The following PPP1R9A variants were observed in gnomAD, a reference collection of about 807,000 sequenced individuals.
PPP1R9A encodes the protein protein phosphatase 1 regulatory subunit 9A, also known as neurabin-1.
Under a neutral mutation model 141.9 loss-of-function variants are expected in PPP1R9A, and 59 were observed. The ratio of observed to expected loss-of-function variants is 0.42; its 90% CI spans 0.34 to 0.52. PPP1R9A has a LOEUF of 0.52. PPP1R9A is among the 20% of genes least tolerant of loss of function. The pLI is 0.10. For missense variants in PPP1R9A, 1,444 were observed against 1,611.9 expected (o/e 0.90, Z 1.78); for synonymous variants, 500 against 569.7 (o/e 0.88, Z 1.74).
intron 2 of PPP1R9A, among the ~76,000 whole-genome samples, chr7:95,052,073 C>T (rs917252438): frequency 4.6e-5 from 7 of 152,008 alleles, no homozygotes; most frequent in African/African-American, 1.7e-4. Context: ...CTCCTGACCT[C>T]AAGTGATTCA....
intron 19 of PPP1R9A, among the ~76,000 whole-genome samples, chr7:95,289,795 A>C (rs888831558): frequency 2.9e-5 from 4 of 136,590 alleles, no homozygotes; most frequent in African/African-American, 1.4e-4. Context: ...TACAGCCCAA[A>C]GGTTGGAGAA....
chr7:94,937,361 T>C (rs1794883861), intron 2 of PPP1R9A, among the ~76,000 whole-genome samples: 2 of 152,224 alleles, frequency 1.3e-5, no homozygotes, highest in South Asian at 4.1e-4. Flanking sequence ...TTCATTGTTA[T>C]ATCCTCAGCA....
intron 8 of PPP1R9A, among the ~76,000 whole-genome samples, chr7:95,226,540 T>A: frequency 6.6e-6 from 1 of 151,918 alleles, no homozygotes. Context: ...TTGAAGAGAG[T>A]TTAATACACA....
At chr7:95,201,282 G>GT (rs1366914919) in intron 6 of PPP1R9A, among the ~76,000 whole-genome samples, 1 of 152,112 alleles carries the variant, frequency 6.6e-6, no homozygotes, top group Non-Finnish European at 1.5e-5. Context: ...TGCTTGCTAT[G>GT]TTACTCCAAG....
At chr7:95,223,615 A>C (rs555760503) in intron 7 of PPP1R9A, among the ~76,000 whole-genome samples, 1 of 152,178 alleles carries the variant, frequency 6.6e-6, no homozygotes, top group Admixed American at 6.6e-5. Context: ...GTAGTGAACA[A>C]GTATTTATTT....
At chr7:95,048,762 G>A (rs6465451) in intron 2 of PPP1R9A, among the ~76,000 whole-genome samples, 49,983 of 151,806 alleles carry the variant, frequency 0.33, 9,652 homozygotes, top group Non-Finnish European at 0.44. Flanking sequence ...GGTCAGGCTG[G>A]TCTCAAACTC....
chr7:95,133,536 T>TATATATATAC (rs1825066536), intron 4 of PPP1R9A, among the ~76,000 whole-genome samples: 1 of 141,322 alleles, frequency 7.1e-6, no homozygotes, highest in African/African-American at 2.6e-5. Context: ...TATATATATA[T>TATATATATAC]ATATATGCAC....
chr7:95,260,138 T>G (rs1800206708), intron 12 of PPP1R9A, among the ~76,000 whole-genome samples: 1 of 152,184 alleles, frequency 6.6e-6, no homozygotes, highest in Non-Finnish European at 1.5e-5. Context: ...GGTGTATCAT[T>G]AAGGCCAAAA....
intron 2 of PPP1R9A, among the ~76,000 whole-genome samples, chr7:95,001,748 G>A (rs1802958945): frequency 6.6e-6 from 1 of 152,078 alleles, no homozygotes; most frequent in African/African-American, 2.4e-5. Context: ...GAAAGCTGGA[G>A]CCTACATTAG....
chr7:95,019,825 C>G (rs944887487), intron 2 of PPP1R9A, among the ~76,000 whole-genome samples: 1 of 151,988 alleles, frequency 6.6e-6, no homozygotes, highest in Non-Finnish European at 1.5e-5. Flanking sequence ...CATCCCCCCT[C>G]GCCCAAACCA....
intron 7 of PPP1R9A, among the ~76,000 whole-genome samples, chr7:95,219,377 T>C (rs188917405): frequency 7.9e-5 from 12 of 152,262 alleles, no homozygotes; most frequent in African/African-American, 2.4e-4. Context: ...GGTAACCCGA[T>C]GTTTCTCTCT....
At position 95,071,742 on chromosome 7, in the gene PPP1R9A, A is replaced by G. The variant is rs138936245; in HGVS notation, c.1396-39517A>G. Among the ~76,000 whole-genome samples, 13 of 152,130 alleles carry G rather than the reference A, an allele frequency of 8.5e-5. 2 individuals carry two copies. In the South Asian group the frequency reaches 2.1e-3, roughly 24 times the overall value. On this transcript the variant is annotated intron_variant, in intron 2 of 19. Transcript: ENST00000433360. ...TATTTAATGTTACATTATGAAATAC[A>G]TTAAGGTAATTATTTTAATATAAAA...
At position 95,172,900 on chromosome 7, in the gene PPP1R9A, C is replaced by T. The variant is rs1308833825; in HGVS notation, c.1754+10929C>T. ...AATAGAACTTTGCAGTGCAGACCTG[C>T]GCAGATATGAAGAATTGATTTTTTT... On this transcript the variant is annotated intron_variant, in intron 5 of 19. Coordinates refer to ENST00000433360, the MANE Select transcript of PPP1R9A (RefSeq NM_001166160.2). Among the ~76,000 whole-genome samples, 5 of 151,724 alleles carry T rather than the reference C, an allele frequency of 3.3e-5. No individual in the cohort carries two copies. The East Asian group carries it at 7.7e-4, about 23-fold the overall frequency.
intron 7 of PPP1R9A, among the ~76,000 whole-genome samples, chr7:95,213,117 C>T (rs565081996): frequency 1.3e-5 from 2 of 151,910 alleles, no homozygotes; most frequent in South Asian, 4.2e-4. Context: ...ATGGGTTCTC[C>T]CTTCTCTGCT....
chr7:95,256,420 C>A (rs903896945), intron 12 of PPP1R9A, among the ~76,000 whole-genome samples: 1 of 151,882 alleles, frequency 6.6e-6, no homozygotes, highest in Non-Finnish European at 1.5e-5. Context: ...AGTTTAATAC[C>A]TTTTCAAGTT....
chr7:94,972,409 A>AT (rs59867967), intron 2 of PPP1R9A, among the ~76,000 whole-genome samples: 181 of 143,718 alleles, frequency 1.3e-3, no homozygotes, highest in East Asian at 1.6e-3. Context: ...GTTAGGACCA[A>AT]TTTTTTTTTT....
chr7:94,942,986 A>T (rs1213233745), intron 2 of PPP1R9A, among the ~76,000 whole-genome samples: 1 of 152,092 alleles, frequency 6.6e-6, no homozygotes, highest in Non-Finnish European at 1.5e-5. Flanking sequence ...ATAACTTTCA[A>T]GTGTTTGCTA....
At chr7:95,030,677 G>C (rs1465849075) in intron 2 of PPP1R9A, among the ~76,000 whole-genome samples, 1 of 152,014 alleles carries the variant, frequency 6.6e-6, no homozygotes, top group Non-Finnish European at 1.5e-5. Context: ...AAAAAGAACA[G>C]GGAGCAACGT....
chr7:95,077,288 T>C (rs1815001285), intron 2 of PPP1R9A, among the ~76,000 whole-genome samples: 1 of 152,212 alleles, frequency 6.6e-6, no homozygotes, highest in Admixed American at 6.5e-5. Context: ...ACTTAAGTAG[T>C]GATCTTCAAA....
Sources: gnomAD v4.1 joint callset for allele counts (sites outside exome capture counted in the v4.1 genomes callset) on GRCh38, gnomAD v4.1.1 for gene constraint, MANE v1.5 for transcripts, NCBI Gene and HGNC (gene_info 2026-07-23, HGNC 2026-07-21) for gene names.